The following CNTNAP2 variants were observed in gnomAD, a reference collection of about 807,000 sequenced individuals.
The protein encoded by CNTNAP2 is contactin-associated protein-like 2.
CNTNAP2 carries 98 observed loss-of-function variants against 155.2 expected under a neutral mutation model. That is an observed-to-expected ratio of 0.63 (90% CI 0.54 to 0.75). CNTNAP2 has a LOEUF of 0.75. CNTNAP2 is among the 30% of genes least tolerant of loss of function. The pLI is 0.00. For synonymous variants in CNTNAP2, 651 were observed against 631.2 expected, an observed-to-expected ratio of 1.03 and a Z score of -0.47; for missense variants, 1,727 against 1,688.1, an observed-to-expected ratio of 1.02 and a Z score of -0.40.
chr7:146,479,162 C>A (rs1796923361), intron 1 of CNTNAP2, among the ~76,000 whole-genome samples: 1 of 152,138 alleles, frequency 6.6e-6, no homozygotes. Flanking sequence ...ACCTACCTAC[C>A]TTTAGTTTTG....
chr7:147,829,772 C>T (rs910835932), intron 13 of CNTNAP2, among the ~76,000 whole-genome samples: 7 of 152,098 alleles, frequency 4.6e-5, no homozygotes, highest in Non-Finnish European at 1.0e-4. Context: ...GTCCTTTCCA[C>T]AGTAACAATT....
intron 1 of CNTNAP2, among the ~76,000 whole-genome samples, chr7:146,242,533 G>A (rs1280159691): frequency 7.0e-6 from 1 of 143,324 alleles, no homozygotes; most frequent in Non-Finnish European, 1.5e-5. Flanking sequence ...GTGAGACTCT[G>A]TCTCAAAAAA....
intron 13 of CNTNAP2, among the ~76,000 whole-genome samples, chr7:147,761,510 A>G (rs1318193826): frequency 1.3e-5 from 2 of 152,162 alleles, no homozygotes; most frequent in Non-Finnish European, 2.9e-5. Context: ...CTGTGCTTCA[A>G]CAATCACCAT....
At chr7:147,209,618 T>A (rs548224379) in intron 8 of CNTNAP2, among the ~76,000 whole-genome samples, 1 of 152,134 alleles carries the variant, frequency 6.6e-6, no homozygotes, top group African/African-American at 2.4e-5. Context: ...CTTCCAGTAC[T>A]ATATTATATA....
chr7:147,279,464 A>G (rs1804979008), intron 8 of CNTNAP2, among the ~76,000 whole-genome samples: 1 of 151,814 alleles, frequency 6.6e-6, no homozygotes, highest in Non-Finnish European at 1.5e-5. Flanking sequence ...TGTTTATGCC[A>G]ATAGGACCTA....
chr7:148,364,580 A>G (rs1319800452), intron 21 of CNTNAP2, among the ~76,000 whole-genome samples: 1 of 152,150 alleles, frequency 6.6e-6, no homozygotes, highest in African/African-American at 2.4e-5. Context: ...ACCAATCGAC[A>G]CTCTGTATCT....
intron 1 of CNTNAP2, among the ~76,000 whole-genome samples, chr7:146,453,146 C>A (rs1308245087): frequency 6.6e-6 from 1 of 152,154 alleles, no homozygotes; most frequent in Non-Finnish European, 1.5e-5. Context: ...TTCCAGAGAT[C>A]TAAGAAGAAA....
chr7:146,717,148 GA>G (rs1272612784), intron 1 of CNTNAP2, among the ~76,000 whole-genome samples: 1 of 152,088 alleles, frequency 6.6e-6, no homozygotes, highest in African/African-American at 2.4e-5. Context: ...ATATTATTTA[GA>G]AATAGTCCAC....
At chr7:146,578,773 C>T (rs554630400) in intron 1 of CNTNAP2, among the ~76,000 whole-genome samples, 1 of 152,250 alleles carries the variant, frequency 6.6e-6, no homozygotes, top group African/African-American at 2.4e-5. Flanking sequence ...AAAACTTATA[C>T]TCCTTACCAC....
At chr7:147,115,773 A>C (rs963373888) in intron 5 of CNTNAP2, among the ~76,000 whole-genome samples, 2 of 152,030 alleles carry the variant, frequency 1.3e-5, no homozygotes, top group African/African-American at 4.8e-5. Flanking sequence ...TACTTCAGTG[A>C]AGTTTGTTAT....
intron 3 of CNTNAP2, among the ~76,000 whole-genome samples, chr7:146,934,307 T>C (rs2129223848): frequency 6.6e-6 from 1 of 151,958 alleles, no homozygotes; most frequent in East Asian, 2.0e-4. Flanking sequence ...TGGATGAAAT[T>C]GGAAATCATC....
At chr7:146,147,243 A>G (rs1396490995) in intron 1 of CNTNAP2, among the ~76,000 whole-genome samples, 2 of 152,100 alleles carry the variant, frequency 1.3e-5, no homozygotes, top group Non-Finnish European at 2.9e-5. Context: ...AATTATGTTT[A>G]ATTGGGAAGG....
chr7:147,298,623 T>C (rs1794882634), intron 8 of CNTNAP2, among the ~76,000 whole-genome samples: 1 of 152,214 alleles, frequency 6.6e-6, no homozygotes, highest in Admixed American at 6.5e-5. Flanking sequence ...ATAAACCAAC[T>C]AGTAATGTAT....
At position 146,310,074 on chromosome 7, in the gene CNTNAP2, A is replaced by T. The variant is rs554520816; in HGVS notation, c.97+193101A>T. Among the ~76,000 whole-genome samples, 70 of 152,306 alleles carry T rather than the reference A, an allele frequency of 4.6e-4. 1 individual carries two copies. The highest frequency in any genetic ancestry group is 1.6e-3 in the African/African-American group (66 of 41,568). On this transcript the variant is annotated intron_variant, in intron 1 of 23. Coordinates refer to ENST00000361727, the MANE Select transcript of CNTNAP2 (RefSeq NM_014141.6). The stretch of plus-strand genomic sequence containing the variant: ...TTATATAATATTGACAGTACTACAT[A>T]GTGTGTCAAAAAACTAAACTTGGTA...
intron 1 of CNTNAP2, among the ~76,000 whole-genome samples, chr7:146,643,385 C>G (rs953754294): frequency 1.3e-5 from 2 of 151,998 alleles, no homozygotes; most frequent in Admixed American, 6.5e-5. Flanking sequence ...TATGGCTAGC[C>G]AGTTTTCCCA....
intron 1 of CNTNAP2, among the ~76,000 whole-genome samples, chr7:146,660,124 C>T (rs544711771): frequency 6.6e-6 from 1 of 152,216 alleles, no homozygotes; most frequent in South Asian, 2.1e-4. Flanking sequence ...GAAATAAAGA[C>T]TTGAATGGTA....
rs145052646 is a variant in CNTNAP2 at position 146,877,306 on chromosome 7, A to T, written c.402+37402A>T. Among the ~76,000 whole-genome samples the T allele has an allele frequency of 5.6e-4, 80 of 141,982 alleles. 1 individual carries two copies. The highest frequency in any genetic ancestry group is 1.6e-3 in the Admixed American group (21 of 13,470). The allele number at this position is 141,982 out of a possible 152,430, so 93.1% of individuals were successfully genotyped here. The stretch of plus-strand genomic sequence containing the variant: ...CATTTGAGGCTAAGAGTTCGAAATC[A>T]GCCTGGGTAACATAGTGAGACCCCC... On this transcript the variant is annotated intron_variant, in intron 3 of 23. Transcript: ENST00000361727.
intron 1 of CNTNAP2, among the ~76,000 whole-genome samples, chr7:146,568,954 A>G (rs1798398436): frequency 6.6e-6 from 1 of 150,592 alleles, no homozygotes; most frequent in Non-Finnish European, 1.5e-5. Flanking sequence ...GCAAATCACA[A>G]GTTCCCATCT....
chr7:147,952,364 C>T (rs1368372874), intron 14 of CNTNAP2, among the ~76,000 whole-genome samples: 1 of 149,398 alleles, frequency 6.7e-6, no homozygotes, highest in Non-Finnish European at 1.5e-5. Context: ...ATCGCTTGAA[C>T]CCAGGAGGCA....
Sources: gnomAD v4.1 joint callset for allele counts (sites outside exome capture counted in the v4.1 genomes callset) on GRCh38, gnomAD v4.1.1 for gene constraint, MANE v1.5 for transcripts, NCBI Gene and HGNC (gene_info 2026-07-23, HGNC 2026-07-21) for gene names.